Variants in ASIC2 observed in about 807,000 individuals in gnomAD.
The protein encoded by ASIC2 is acid sensing ion channel subunit 2.
In ASIC2, 25 loss-of-function variants were observed where a neutral mutation model predicts 57.3. That is an observed-to-expected ratio of 0.44 (90% CI 0.32 to 0.61). The LOEUF (loss-of-function observed/expected upper bound fraction) is 0.61. Among genes scored for constraint, ASIC2 ranks in the 20% least tolerant of loss-of-function variants. ASIC2 has a pLI of 0.06. For synonymous variants in ASIC2, 319 were observed against 307.5 expected (o/e 1.04, Z -0.39); for missense variants, 641 against 738.1 (o/e 0.87, Z 1.52).
At chr17:33,855,013 C>T (rs1263483971) in intron 1 of ASIC2, among the ~76,000 whole-genome samples, 1 of 152,154 alleles carries the variant, frequency 6.6e-6, no homozygotes, top group African/African-American at 2.4e-5. Flanking sequence ...ATTAGACAGG[C>T]AGAGAATGCT....
chr17:33,028,433 G>A, intron 3 of ASIC2, 41 bp from the exon 4 acceptor site: 1 of 1,610,902 alleles, frequency 6.2e-7, no homozygotes, highest in East Asian at 2.2e-5. Flanking sequence ...AGCCTCAACA[G>A]ACTCAGTAAC....
At chr17:33,147,818 T>C (rs548472507) in intron 1 of ASIC2, among the ~76,000 whole-genome samples, 1 of 152,332 alleles carries the variant, frequency 6.6e-6, no homozygotes, top group South Asian at 2.1e-4. Flanking sequence ...AACAAGCCTG[T>C]GGACCCCAAT....
intron 1 of ASIC2, among the ~76,000 whole-genome samples, chr17:33,803,746 C>T (rs1368674166): frequency 6.6e-6 from 1 of 152,186 alleles, no homozygotes; most frequent in South Asian, 2.1e-4. Context: ...TAAATGTGTT[C>T]TCCAATTCAC....
chr17:33,426,308 T>C (rs986951277), intron 1 of ASIC2, among the ~76,000 whole-genome samples: 1 of 152,178 alleles, frequency 6.6e-6, no homozygotes, highest in Non-Finnish European at 1.5e-5. Flanking sequence ...TGGGAACTCA[T>C]ACGACCATTT....
intron 1 of ASIC2, among the ~76,000 whole-genome samples, chr17:33,922,616 G>T (rs900949976): frequency 2.0e-5 from 3 of 152,040 alleles, no homozygotes; most frequent in Non-Finnish European, 4.4e-5. Context: ...CTATGTATCA[G>T]GCTCTATACT....
chr17:33,683,302 G>A (rs1343505422), intron 1 of ASIC2, among the ~76,000 whole-genome samples: 2 of 152,180 alleles, frequency 1.3e-5, no homozygotes, highest in Non-Finnish European at 2.9e-5. Context: ...TCCTGACCTC[G>A]TGATCCACCC....
chr17:34,150,961 G>C lies in ASIC2; in HGVS notation c.555+5017C>G, dbSNP rs542482781. On this transcript the variant is annotated intron_variant, in intron 1 of 9. Coordinates refer to the ASIC2 transcript ENST00000359872. ...GACCCCATCTCTACTAAAAATACCA[G>C]GCATGGTGGCAGGCGCCTGTAGTCC... 2.7e-4 allele frequency among the ~76,000 whole-genome samples: 41 copies of C among 152,156 alleles called. No homozygotes were observed. In the South Asian group the frequency reaches 7.3e-3, roughly 27 times the overall value.
At chr17:33,411,104 G>A (rs1910643341) in intron 1 of ASIC2, among the ~76,000 whole-genome samples, 1 of 152,180 alleles carries the variant, frequency 6.6e-6, no homozygotes, top group African/African-American at 2.4e-5. Context: ...TGAATGAATG[G>A]CCATGATGCA....
chr17:33,949,143 CA>C (rs1469211206), intron 1 of ASIC2, among the ~76,000 whole-genome samples: 2 of 151,884 alleles, frequency 1.3e-5, no homozygotes, highest in African/African-American at 4.8e-5. Context: ...CATGCAAAAA[CA>C]AGTGGTGGGT....
intron 1 of ASIC2, among the ~76,000 whole-genome samples, chr17:34,108,275 T>C (rs951477889): frequency 5.3e-5 from 8 of 152,192 alleles, no homozygotes; most frequent in African/African-American, 1.9e-4. Context: ...ATAAATATCC[T>C]GTTCATGCAT....
At chr17:33,494,895 T>A (rs1913879033) in intron 1 of ASIC2, among the ~76,000 whole-genome samples, 1 of 152,188 alleles carries the variant, frequency 6.6e-6, no homozygotes, top group African/African-American at 2.4e-5. Context: ...ACAGGAAATC[T>A]TCCTCACTGA....
intron 1 of ASIC2, among the ~76,000 whole-genome samples, chr17:33,732,591 G>A (rs1255358118): frequency 6.7e-6 from 1 of 150,166 alleles, no homozygotes; most frequent in African/African-American, 2.5e-5. Context: ...CTCCGCCCCC[G>A]GATTCATGCC....
At chr17:33,788,581 C>T (rs1041884680) in intron 1 of ASIC2, among the ~76,000 whole-genome samples, 4 of 152,074 alleles carry the variant, frequency 2.6e-5, no homozygotes, top group African/African-American at 9.7e-5. Context: ...ATAAATCGTT[C>T]TACTATAAAG....
intron 1 of ASIC2, among the ~76,000 whole-genome samples, chr17:33,998,951 T>C (rs1364571839): frequency 4.6e-5 from 7 of 152,170 alleles, no homozygotes; most frequent in Admixed American, 4.6e-4. Context: ...TATCCATTTT[T>C]GAAAGTGGGA....
intron 3 of ASIC2, among the ~76,000 whole-genome samples, chr17:33,066,338 T>C (rs559504094): frequency 1.3e-5 from 2 of 152,258 alleles, no homozygotes; most frequent in African/African-American, 4.8e-5. Context: ...GTGCATGGTG[T>C]GTGGATTCTC....
chr17:33,578,892 G>C (rs780526962), intron 1 of ASIC2, among the ~76,000 whole-genome samples: 2 of 152,188 alleles, frequency 1.3e-5, no homozygotes, highest in African/African-American at 4.8e-5. Flanking sequence ...GTAAAACCCT[G>C]CCACAGCAGG....
chr17:33,493,722 C>A (rs1035595342), intron 1 of ASIC2, among the ~76,000 whole-genome samples: 1 of 152,120 alleles, frequency 6.6e-6, no homozygotes, highest in African/African-American at 2.4e-5. Flanking sequence ...GGGAACCCGC[C>A]ATCCTTCCCC....
At chr17:33,214,595 T>C (rs1907404662) in intron 1 of ASIC2, among the ~76,000 whole-genome samples, 1 of 152,188 alleles carries the variant, frequency 6.6e-6, no homozygotes, top group Admixed American at 6.5e-5. Flanking sequence ...CCTCAAACTT[T>C]ACTGTACATA....
intron 1 of ASIC2, among the ~76,000 whole-genome samples, chr17:33,250,529 C>T (rs1908845126): frequency 6.6e-6 from 1 of 152,262 alleles, no homozygotes; most frequent in Non-Finnish European, 1.5e-5. Context: ...GCCCCCAGTC[C>T]TGCCGCGCTT....
Sources: allele counts gnomAD v4.1 joint callset (sites outside exome capture counted in the v4.1 genomes callset), GRCh38; gene constraint gnomAD v4.1.1; transcripts MANE v1.5; gene names NCBI Gene and HGNC (gene_info 2026-07-23, HGNC 2026-07-21).